Variants in KCNC2 observed in about 807,000 individuals in gnomAD.
KCNC2 encodes the protein voltage-gated potassium channel KCNC2.
Under a neutral mutation model 44.5 loss-of-function variants are expected in KCNC2, and 21 were observed. That is an observed-to-expected ratio of 0.47 (90% CI 0.33 to 0.68). The LOEUF (loss-of-function observed/expected upper bound fraction) is 0.68, where lower values mean the gene tolerates loss of function less well. Among genes scored for constraint, KCNC2 ranks in the 30% least tolerant of loss-of-function variants. The probability of loss-of-function intolerance (pLI) is 0.01; values close to 1 mark genes in which losing one functional copy is unlikely to be tolerated. For missense variants in KCNC2, 589 were observed against 826.2 expected (o/e 0.71, Z 3.52); for synonymous variants, 391 against 339.1 (o/e 1.15, Z -1.68).
At chr12:75,126,089 C>T (rs776959357) in intron 2 of KCNC2, among the ~76,000 whole-genome samples, 11 of 152,122 alleles carry the variant, frequency 7.2e-5, no homozygotes, top group South Asian at 2.1e-4. Context: ...ATGAGCAAAA[C>T]TAAAAAACCC....
intron 2 of KCNC2, among the ~76,000 whole-genome samples, chr12:75,167,340 C>T (rs984514216): frequency 4.4e-4 from 67 of 151,002 alleles, no homozygotes; most frequent in Non-Finnish European, 1.3e-4. Context: ...AATAAAATTA[C>T]TTTTGTAAAT....
At chr12:75,132,909 C>T (rs1888955185) in intron 2 of KCNC2, among the ~76,000 whole-genome samples, 1 of 151,980 alleles carries the variant, frequency 6.6e-6, no homozygotes, top group Non-Finnish European at 1.5e-5. Flanking sequence ...TGTTGCTGCT[C>T]GACACTGCTT....
chr12:75,131,570 G>A (rs748503150), intron 2 of KCNC2, among the ~76,000 whole-genome samples: 1 of 152,156 alleles, frequency 6.6e-6, no homozygotes, highest in African/African-American at 2.4e-5. Flanking sequence ...GCCCCTAAAT[G>A]CAGAGCATTT....
intron 2 of KCNC2, among the ~76,000 whole-genome samples, chr12:75,087,494 T>A (rs1885123902): frequency 6.6e-6 from 1 of 152,128 alleles, no homozygotes; most frequent in Non-Finnish European, 1.5e-5. Flanking sequence ...CCTCTAATAA[T>A]CTTGTAAAGA....
At chr12:75,144,581 A>AAT (rs956277804) in intron 2 of KCNC2, among the ~76,000 whole-genome samples, 5 of 151,730 alleles carry the variant, frequency 3.3e-5, no homozygotes, top group African/African-American at 7.3e-5. Flanking sequence ...CTGTCTGTAA[A>AAT]ATATATATAT....
At chr12:75,176,795 C>A (rs957474819) in intron 2 of KCNC2, among the ~76,000 whole-genome samples, 3 of 151,712 alleles carry the variant, frequency 2.0e-5, no homozygotes, top group Non-Finnish European at 2.9e-5. Context: ...ATATCTGTGA[C>A]CTTTGAAACA....
chr12:75,196,048 G>A (rs1026224232), intron 2 of KCNC2, among the ~76,000 whole-genome samples: 1 of 151,980 alleles, frequency 6.6e-6, no homozygotes, highest in Non-Finnish European at 1.5e-5. Flanking sequence ...TTCATCCTGT[G>A]GTACCAACAA....
intron 1 of KCNC2, 139 bp from the exon 2 acceptor site, chr12:75,208,141 G>A (rs1370588311): frequency 4.3e-6 from 4 of 936,142 alleles, no homozygotes; most frequent in Admixed American, 5.9e-5. Context: ...CCCCGGGAGG[G>A]GATCAGCGTC....
intron 2 of KCNC2, among the ~76,000 whole-genome samples, chr12:75,120,032 C>T (rs1887944605): frequency 6.6e-6 from 1 of 152,164 alleles, no homozygotes; most frequent in Non-Finnish European, 1.5e-5. Flanking sequence ...ATTTCCAGCC[C>T]ATCATCTCCA....
chr12:75,186,620 A>T (rs1892973387), intron 2 of KCNC2, among the ~76,000 whole-genome samples: 1 of 152,176 alleles, frequency 6.6e-6, no homozygotes, highest in African/African-American at 2.4e-5. Context: ...ACTTTCTTTT[A>T]TTTCCTGAAA....
chr12:75,087,854 A>C (rs1427751911), intron 2 of KCNC2, among the ~76,000 whole-genome samples: 1 of 152,066 alleles, frequency 6.6e-6, no homozygotes, highest in Non-Finnish European at 1.5e-5. Context: ...CTTCAGGCAG[A>C]AGAATCTCGA....
intron 2 of KCNC2, among the ~76,000 whole-genome samples, chr12:75,072,637 A>G (rs560347268): frequency 1.3e-5 from 2 of 150,888 alleles, no homozygotes; most frequent in Non-Finnish European, 3.0e-5. Flanking sequence ...AGTCCCATAT[A>G]AAAAAAAAGG....
chr12:75,076,158 A>G (rs1883949738), intron 2 of KCNC2, among the ~76,000 whole-genome samples: 1 of 152,220 alleles, frequency 6.6e-6, no homozygotes, highest in Admixed American at 6.5e-5. Flanking sequence ...ACTCATTTAA[A>G]CATTTTGAGT....
intron 2 of KCNC2, among the ~76,000 whole-genome samples, chr12:75,132,895 T>A (rs2137352659): frequency 6.6e-6 from 1 of 152,172 alleles, no homozygotes; most frequent in South Asian, 2.1e-4. Context: ...TTTCACTGGA[T>A]TATTGTTGCT....
chr12:75,203,620 T>A (rs949828892), intron 2 of KCNC2, among the ~76,000 whole-genome samples: 1 of 151,834 alleles, frequency 6.6e-6, no homozygotes, highest in Non-Finnish European at 1.5e-5. Flanking sequence ...TTTTCTTTTC[T>A]AAAATGTGCT....
At chr12:75,045,968 A>G (rs1221288964) in intron 4 of KCNC2, among the ~76,000 whole-genome samples, 1 of 151,820 alleles carries the variant, frequency 6.6e-6, no homozygotes, top group East Asian at 1.9e-4. Flanking sequence ...TAGAAAATAA[A>G]TGAATAGAAA....
At position 75,042,349 on chromosome 12, in the gene KCNC2, A is replaced by G. The variant is rs1472035863; in HGVS notation, c.*756T>C. The G allele has an allele frequency of 6.2e-7, 1 of 1,612,246 alleles. No homozygotes were observed. The highest frequency in any genetic ancestry group is 8.5e-7 in the Non-Finnish European group (1 of 1,178,830). ...ATCTGGCCTCGGCTTGCGTGTAACC[A>G]GTAATGACAACCTCTTTGCAGTTAT... is the stretch of plus-strand genomic sequence containing the variant. On this transcript the variant is annotated 3_prime_UTR_variant, in exon 5 of 5. Transcript: ENST00000549446.
At chr12:75,196,082 T>C (rs1273192317) in intron 2 of KCNC2, among the ~76,000 whole-genome samples, 1 of 152,142 alleles carries the variant, frequency 6.6e-6, no homozygotes, top group African/African-American at 2.4e-5. Flanking sequence ...TTTCCAATGC[T>C]AGCAAAGCTG....
chr12:75,166,752 C>T (rs1438919685), intron 2 of KCNC2, among the ~76,000 whole-genome samples: 1 of 150,982 alleles, frequency 6.6e-6, no homozygotes, highest in Non-Finnish European at 1.5e-5. Context: ...TTAGAAAATA[C>T]CTTGCAACAA....
Sources: gnomAD v4.1 joint callset for allele counts (sites outside exome capture counted in the v4.1 genomes callset) on GRCh38, gnomAD v4.1.1 for gene constraint, MANE v1.5 for transcripts, NCBI Gene and HGNC (gene_info 2026-07-23, HGNC 2026-07-21) for gene names.